Variants in FGF12 observed in about 807,000 individuals in gnomAD.
The protein encoded by FGF12 is fibroblast growth factor 12B.
In FGF12, 14 loss-of-function variants were observed where a neutral mutation model predicts 23.6. The ratio of observed to expected loss-of-function variants is 0.59; its 90% CI spans 0.39 to 0.93. The LOEUF is 0.93. Among genes scored for constraint, FGF12 ranks in the 40% least tolerant of loss-of-function variants. The pLI is 0.00. For synonymous variants in FGF12, 62 were observed against 77.3 expected (o/e 0.80, Z 1.04); for missense variants, 175 against 217.8 (o/e 0.80, Z 1.24).
chr3:192,480,003 T>G (rs1723436288), intron 2 of FGF12, among the ~76,000 whole-genome samples: 1 of 149,500 alleles, frequency 6.7e-6, no homozygotes, highest in African/African-American at 2.5e-5. Context: ...GAAAGAAGGA[T>G]TTGGGGGCTG....
rs1458237418 is a variant in FGF12 at position 192,142,848 on chromosome 3, C to T, written c.*1161G>A. On this transcript the variant is annotated 3_prime_UTR_variant, in exon 6 of 6. Coordinates refer to ENST00000445105, the MANE Select transcript of FGF12 (RefSeq NM_004113.6). Reference sequence around the variant, plus strand: ...CATAGAGCAACAAATTAGCTACTGGCTTTGTAAGATAGTAAGTTAGGAATT... The same window carrying T: ...CATAGAGCAACAAATTAGCTACTGGTTTTGTAAGATAGTAAGTTAGGAATT... 6.6e-6 allele frequency: 1 copy of T among 152,026 alleles called. No individual in the cohort carries two copies. The highest frequency in any genetic ancestry group is 2.4e-5 in the African/African-American group (1 of 41,390). The allele number at this position is 152,026 out of a possible 1,614,324, so 9.4% of individuals were successfully genotyped here.
intron 2 of FGF12, among the ~76,000 whole-genome samples, chr3:192,415,221 C>T (rs1721309143): frequency 1.3e-5 from 2 of 151,980 alleles, no homozygotes; most frequent in Admixed American, 6.6e-5. Flanking sequence ...CACAACAGAC[C>T]GCCCATCATT....
At chr3:192,380,826 T>G (rs1012445006) in intron 2 of FGF12, among the ~76,000 whole-genome samples, 9 of 152,078 alleles carry the variant, frequency 5.9e-5, no homozygotes, top group Admixed American at 2.0e-4. Context: ...AGTAATATAA[T>G]GCAAACCCCA....
chr3:192,179,217 C>T lies in FGF12; in HGVS notation c.229-8561G>A, dbSNP rs535696153. 7.5e-4 allele frequency among the ~76,000 whole-genome samples: 114 copies of T among 151,166 alleles called. 2 individuals carry two copies. The highest frequency in any genetic ancestry group is 2.7e-3 in the African/African-American group (111 of 41,266). ...GACTAGAACAAGTCTAATTTTATAA[C>T]TTAAAAAAAACAACTCTGCAGATAC... On this transcript the variant is annotated intron_variant, in intron 4 of 5. Coordinates refer to ENST00000445105, the MANE Select transcript of FGF12 (RefSeq NM_004113.6).
chr3:192,220,732 G>A (rs991630358), intron 4 of FGF12, among the ~76,000 whole-genome samples: 17 of 152,076 alleles, frequency 1.1e-4, no homozygotes, highest in African/African-American at 3.6e-4. Context: ...CTATATGACT[G>A]GTAAATATTG....
intron 4 of FGF12, among the ~76,000 whole-genome samples, chr3:192,332,280 T>C (rs1210130680): frequency 4.6e-5 from 7 of 151,928 alleles, no homozygotes; most frequent in African/African-American, 1.4e-4. Context: ...TCGTGATTTA[T>C]GTATGATTAA....
intron 4 of FGF12, among the ~76,000 whole-genome samples, chr3:192,230,060 A>G (rs1365401778): frequency 6.6e-6 from 1 of 152,124 alleles, no homozygotes; most frequent in East Asian, 1.9e-4. Context: ...AATGGCATCA[A>G]CATTCCTAGG....
chr3:192,340,857 T>C (rs1261301000), intron 3 of FGF12, among the ~76,000 whole-genome samples: 4 of 151,886 alleles, frequency 2.6e-5, no homozygotes, highest in East Asian at 1.9e-4. Context: ...GTAAAACCCA[T>C]AGGAAAAAAA....
chr3:192,507,259 G>A (rs1378497088), intron 2 of FGF12, among the ~76,000 whole-genome samples: 1 of 151,794 alleles, frequency 6.6e-6, no homozygotes, highest in East Asian at 1.9e-4. Context: ...GGGGGGTCCA[G>A]TCAGTCAATT....
At chr3:192,482,274 G>A (rs867619378) in intron 2 of FGF12, among the ~76,000 whole-genome samples, 10 of 152,206 alleles carry the variant, frequency 6.6e-5, no homozygotes, top group Admixed American at 4.6e-4. Flanking sequence ...TTTATTAAAT[G>A]ATAACCTAAG....
intron 2 of FGF12, among the ~76,000 whole-genome samples, chr3:192,596,094 A>AAATATAATATAATGTAATAT (rs1553836798): frequency 2.0e-5 from 2 of 99,478 alleles, no homozygotes; most frequent in African/African-American, 3.8e-5. Flanking sequence ...CCTGACTCAA[A>AAATATAATATAATGTAATAT]AATATAATAT....
chr3:192,189,037 A>G (rs1478948795), intron 4 of FGF12, among the ~76,000 whole-genome samples: 1 of 152,204 alleles, frequency 6.6e-6, no homozygotes, highest in Non-Finnish European at 1.5e-5. Flanking sequence ...TGAGTGTGCT[A>G]ACACAGATTT....
At chr3:192,577,359 AATGAAC>A (rs1712953838) in intron 2 of FGF12, among the ~76,000 whole-genome samples, 1 of 152,156 alleles carries the variant, frequency 6.6e-6, no homozygotes, top group Non-Finnish European at 1.5e-5. Context: ...TCTTTTTTTA[AATGAAC>A]AAATGGTTCT....
chr3:192,493,895 G>A (rs1169651901), intron 2 of FGF12, among the ~76,000 whole-genome samples: 1 of 151,934 alleles, frequency 6.6e-6, no homozygotes, highest in Non-Finnish European at 1.5e-5. Context: ...ATTTGGATGG[G>A]GACACAGATC....
chr3:192,461,450 T>C (rs1722858280), intron 2 of FGF12, among the ~76,000 whole-genome samples: 1 of 152,198 alleles, frequency 6.6e-6, no homozygotes, highest in Non-Finnish European at 1.5e-5. Context: ...ACAAAATTCC[T>C]GTGAAGGATT....
At chr3:192,712,344 C>G (rs946346327) in intron 2 of FGF12, among the ~76,000 whole-genome samples, 1 of 151,416 alleles carries the variant, frequency 6.6e-6, no homozygotes, top group East Asian at 1.9e-4. Flanking sequence ...TTTCAATTTT[C>G]TAGAGATTAA....
intron 2 of FGF12, among the ~76,000 whole-genome samples, chr3:192,649,041 T>C (rs905093361): frequency 6.6e-6 from 1 of 152,212 alleles, no homozygotes; most frequent in Admixed American, 6.5e-5. Flanking sequence ...CACTCTATCA[T>C]GTTAAAAATC....
At chr3:192,704,556 T>A (rs960891142) in intron 2 of FGF12, among the ~76,000 whole-genome samples, 1 of 152,106 alleles carries the variant, frequency 6.6e-6, no homozygotes, top group Non-Finnish European at 1.5e-5. Flanking sequence ...ACAGGCAGAG[T>A]ATATTTAACA....
Position 192,360,807 on chromosome 3 carries a change from GTT to G in FGF12, c.14-271_14-270del, listed in dbSNP as rs926371249. 4.7e-6 allele frequency: 2 copies of G among 430,070 alleles called. No homozygotes were observed. Among genetic ancestry groups the G allele is most frequent in the African/African-American group, 4.0e-5 (2 of 49,562 alleles). 26.6% of individuals were successfully genotyped at this position (430,070 alleles called of 1,614,324 possible). A position where few individuals can be genotyped will look rare whatever the true frequency, so the allele number is the denominator to read the frequency against. ...AATACAGAGACATGCTAAAAAGTGAGTTATTTTCCTCCTTTGTGCATCTGGTG... is the reference window on the plus strand; with the variant it reads ...AATACAGAGACATGCTAAAAAGTGAGATTTTCCTCCTTTGTGCATCTGGTG... On this transcript the variant is annotated intron_variant, in intron 2 of 5. Transcript: ENST00000445105. This position sits in a 1 kb window ranked among gnomAD's most constrained non-coding sequence, Gnocchi z 4.3.
Sources: allele counts gnomAD v4.1 joint callset (sites outside exome capture counted in the v4.1 genomes callset), GRCh38; gene constraint gnomAD v4.1.1; non-coding constraint Gnocchi (gnomAD v3.1); transcripts MANE v1.5; gene names NCBI Gene and HGNC (gene_info 2026-07-23, HGNC 2026-07-21).